The following TXLNB variants were observed in gnomAD, a reference collection of about 807,000 sequenced individuals.
The protein encoded by TXLNB is taxilin beta, also known as beta-taxilin.
TXLNB carries 37 observed loss-of-function variants against 57.4 expected under a neutral mutation model. The observed-to-expected ratio is 0.64, with a 90% CI of 0.50 to 0.85. TXLNB has a LOEUF of 0.85. TXLNB is among the 40% of genes least tolerant of loss of function. TXLNB has a pLI of 0.00. For missense variants in TXLNB, 848 were observed against 825.6 expected (o/e 1.03, Z -0.33); for synonymous variants, 302 against 309.6 (o/e 0.98, Z 0.26).
the TXLNB span, among the ~76,000 whole-genome samples, chr6:139,173,948 T>G: frequency 6.6e-6 from 1 of 152,142 alleles, no homozygotes; most frequent in Non-Finnish European, 1.5e-5. Flanking sequence ...GACTTTTGAT[T>G]TTTATGATGG....
chr6:139,266,466 T>G (rs774714722), intron 4 of TXLNB, among the ~76,000 whole-genome samples: 18 of 152,094 alleles, frequency 1.2e-4, no homozygotes, highest in Non-Finnish European at 1.9e-4. Flanking sequence ...CATCACTGGA[T>G]GGATTTAGAG....
At chr6:139,311,488 C>A in the TXLNB span, among the ~76,000 whole-genome samples, 1 of 40,242 alleles carries the variant, frequency 2.5e-5, no homozygotes, top group Non-Finnish European at 4.4e-5. Context: ...TGAGACTTTA[C>A]TTTGTGATAT....
At chr6:139,253,818 T>G (rs1392043347) in intron 7 of TXLNB, among the ~76,000 whole-genome samples, 1 of 152,214 alleles carries the variant, frequency 6.6e-6, no homozygotes, top group Non-Finnish European at 1.5e-5. Context: ...TCATTTTGCA[T>G]GGAGGAGTAG....
chr6:139,262,566 ATGTGGTTCTCACCTCCTCTCTGAGCTCAT>A lies in TXLNB; in HGVS notation c.866_882+12del. 6.2e-7 allele frequency: 1 copy of A among 1,607,080 alleles called. No individual in the cohort carries two copies. The highest frequency in any genetic ancestry group is 1.1e-5 in the South Asian group (1 of 89,926). On this transcript the variant is annotated splice_donor_variant and splice_donor_5th_base_variant and coding_sequence_variant and intron_variant, in exon 5 of 10. Coordinates refer to ENST00000358430, the MANE Select transcript of TXLNB (RefSeq NM_153235.4). LOFTEE classifies it high-confidence loss of function. The stretch of plus-strand genomic sequence containing the variant: ...TCTATGTACTGTTCTAAGTTGTTTG[ATGTGGTTCTCACCTCCTCTCTGAGCTCAT>A]ACTGATCGATGATGCTTTTCAGCTT...
chr6:139,193,873 G>T, the TXLNB span, among the ~76,000 whole-genome samples: 1 of 116,308 alleles, frequency 8.6e-6, no homozygotes, highest in African/African-American at 3.3e-5. Context: ...ACGGAGTCTC[G>T]CTCTGTCGCC....
the TXLNB span, among the ~76,000 whole-genome samples, chr6:139,171,815 GTTGTTGTTGT>G: frequency 1.3e-5 from 2 of 150,502 alleles, no homozygotes; most frequent in South Asian, 2.1e-4. Context: ...TAAACTTGTT[GTTGTTGTTGT>G]TTGTTGTTGT....
chr6:139,215,406 G>C, the TXLNB span, among the ~76,000 whole-genome samples: 1 of 152,270 alleles, frequency 6.6e-6, no homozygotes, highest in African/African-American at 2.4e-5. Context: ...ATGGTGCTTG[G>C]AAAACTGGCT....
chr6:139,257,138 A>G (rs1250551162), intron 6 of TXLNB, among the ~76,000 whole-genome samples: 2 of 152,044 alleles, frequency 1.3e-5, no homozygotes, highest in African/African-American at 4.8e-5. Context: ...GGTTTTTATT[A>G]TTATTTTTAA....
At chr6:139,255,405 T>C in intron 7 of TXLNB, 159 bp downstream of exon 7, 2 of 699,994 alleles carry the variant, frequency 2.9e-6, no homozygotes, top group South Asian at 3.0e-5. Context: ...TTATTTTTAC[T>C]TGAAAATATG....
downstream of TXLNB, chr6:139,239,566 C>T (rs1887554): frequency 2.9e-3 from 447 of 152,640 alleles, 16 homozygotes; most frequent in East Asian, 0.046. This position sits in a 1 kb window ranked among gnomAD's most constrained non-coding sequence, Gnocchi z 4.7. Flanking sequence ...GATCATGGCT[C>T]ACTGCAGCCC....
At chr6:139,177,740 A>C in the TXLNB span, 1 of 152,380 alleles carries the variant, frequency 6.6e-6, no homozygotes, top group Non-Finnish European at 1.5e-5. The surrounding 1 kb of genome is among the most constrained non-coding windows in gnomAD (Gnocchi z 4.9). Flanking sequence ...TAGTGTTGCA[A>C]ATATGTTTAG....
downstream of TXLNB, among the ~76,000 whole-genome samples, chr6:139,238,625 T>C (rs1032698077): frequency 6.6e-6 from 1 of 152,228 alleles, no homozygotes; most frequent in Non-Finnish European, 1.5e-5. Flanking sequence ...TCTTCATTAT[T>C]ATCACATGAA....
At chr6:139,302,449 T>C in the TXLNB span, among the ~76,000 whole-genome samples, 1 of 151,602 alleles carries the variant, frequency 6.6e-6, no homozygotes, top group African/African-American at 2.4e-5. Context: ...TCTTCCAAAA[T>C]TGGGTGATTT....
At chr6:139,291,155 A>C (rs1363541288) in intron 1 of TXLNB, among the ~76,000 whole-genome samples, 1 of 152,216 alleles carries the variant, frequency 6.6e-6, no homozygotes, top group Non-Finnish European at 1.5e-5. Context: ...GACACACGGC[A>C]CCTGCTGTCC....
the TXLNB span, among the ~76,000 whole-genome samples, chr6:139,310,979 G>A: frequency 6.6e-6 from 1 of 152,236 alleles, no homozygotes; most frequent in South Asian, 2.1e-4. Flanking sequence ...ACAGGCGTGA[G>A]CCACCGTGCC....
At chr6:139,168,676 C>T in the TXLNB span, among the ~76,000 whole-genome samples, 1 of 151,960 alleles carries the variant, frequency 6.6e-6, no homozygotes. Flanking sequence ...ATCTTGTTTC[C>T]TAGATCTCAA....
intron 7 of TXLNB, among the ~76,000 whole-genome samples, chr6:139,254,388 C>A (rs1776283348): frequency 6.6e-6 from 1 of 151,776 alleles, no homozygotes; most frequent in Non-Finnish European, 1.5e-5. Flanking sequence ...ATTTACAAAT[C>A]TTAAATTAAT....
chr6:139,276,945 A>T, intron 2 of TXLNB, 24 bp from the exon 3 acceptor site: 2 of 1,558,364 alleles, frequency 1.3e-6, no homozygotes, highest in South Asian at 1.2e-5. Flanking sequence ...GACATGAAAA[A>T]AATAAGTGTT....
chr6:139,314,047 A>C, the TXLNB span, among the ~76,000 whole-genome samples: 1 of 152,214 alleles, frequency 6.6e-6, no homozygotes, highest in Non-Finnish European at 1.5e-5. Flanking sequence ...ACCCGAGTAT[A>C]GCATCATGTG....
Sources: allele counts gnomAD v4.1 joint callset (sites outside exome capture counted in the v4.1 genomes callset), GRCh38; gene constraint gnomAD v4.1.1; non-coding constraint Gnocchi (gnomAD v3.1); transcripts MANE v1.5; gene names NCBI Gene and HGNC (gene_info 2026-07-23, HGNC 2026-07-21).